Variants in NOTCH1 observed in about 807,000 individuals in gnomAD.
The protein encoded by NOTCH1 is neurogenic locus notch homolog protein 1.
Under a neutral mutation model 254.8 loss-of-function variants are expected in NOTCH1, and 37 were observed. The observed-to-expected ratio is 0.15, with a 90% CI of 0.11 to 0.19. The LOEUF (loss-of-function observed/expected upper bound fraction) is 0.19. Among genes scored for constraint, NOTCH1 ranks in the 10% least tolerant of loss-of-function variants. The probability of loss-of-function intolerance (pLI) is 1.00; values close to 1 mark genes in which losing one functional copy is unlikely to be tolerated. For missense variants in NOTCH1, 2,972 were observed against 3,708.6 expected, an observed-to-expected ratio of 0.80 and a Z score of 5.16; for synonymous variants, 1,731 against 1,618.1, an observed-to-expected ratio of 1.07 and a Z score of -1.68.
chr9:136,515,915 G>A, intron 10 of NOTCH1, 66 bp downstream of exon 10: 8 of 1,373,066 alleles, frequency 5.8e-6, no homozygotes, highest in Non-Finnish European at 8.1e-6. Context: ...GACCTTGTCA[G>A]TTTCACTGCC....
rs376799353 is a variant in NOTCH1, at chr9:136,505,484, G to T, written c.4412C>A (p.Ala1471Glu). Residue 1471 changes from alanine (A) to glutamate (E), a missense_variant, in exon 25 of 34, where the codon GCG becomes GAG. By Grantham distance (107) the Ala-to-Glu change is moderately radical. Around this residue, in one of 8 missense-constraint regions of NOTCH1, gnomAD observed 1,343 missense variants for 1,557.0 expected, o/e 0.86. Coordinates refer to ENST00000651671, the MANE Select transcript of NOTCH1 (RefSeq NM_017617.5). The part of the protein sequence containing the change: ...KVCSLQCNNH[A>E]CGWDGGDCSL... ...GCAGTCACCGCCGTCCCAGCCGCAC[G>T]CGTGGTTGTTGCACTGCAGGCTGCA... 8 of 1,612,728 alleles carry T rather than the reference G, an allele frequency of 5.0e-6. No homozygotes were observed. The highest frequency in any genetic ancestry group is 6.8e-6 in the Non-Finnish European group (8 of 1,180,014).
chr9:136,534,128 C>T (rs1427568849), intron 2 of NOTCH1, among the ~76,000 whole-genome samples: 1 of 152,166 alleles, frequency 6.6e-6, no homozygotes, highest in South Asian at 2.1e-4. Context: ...CGGGGGAGTC[C>T]ACTTCTCAAA....
chr9:136,511,638 C>T (rs988255448), intron 15 of NOTCH1, among the ~76,000 whole-genome samples: 1 of 152,236 alleles, frequency 6.6e-6, no homozygotes. Flanking sequence ...GGGACCTGGG[C>T]CCACCCCGGA....
At chr9:136,501,112 A>G (rs542621557) in intron 30 of NOTCH1, among the ~76,000 whole-genome samples, 11 of 152,318 alleles carry the variant, frequency 7.2e-5, no homozygotes, top group African/African-American at 2.4e-4. Context: ...ACCCAGGAAA[A>G]AGAGGACCCC....
At chr9:136,542,158 C>A (rs576242711) in intron 2 of NOTCH1, among the ~76,000 whole-genome samples, 17 of 152,292 alleles carry the variant, frequency 1.1e-4, no homozygotes, top group Admixed American at 3.9e-4. Context: ...AGCGCTCTGG[C>A]CCAGGGAGAC....
chr9:136,528,550 TTGGTGGGAC>T (rs1180951388), intron 2 of NOTCH1, among the ~76,000 whole-genome samples: 182 of 111,622 alleles, frequency 1.6e-3, no homozygotes, highest in African/African-American at 5.8e-3. Context: ...GCAGGGACAG[TTGGTGGGAC>T]GGGCAGGGAC....
At chr9:136,527,500 C>T (rs1843482618) in intron 2 of NOTCH1, among the ~76,000 whole-genome samples, 1 of 152,222 alleles carries the variant, frequency 6.6e-6, no homozygotes, top group Non-Finnish European at 1.5e-5. Flanking sequence ...GTGACCCGCA[C>T]CCCACCTTCC....
chr9:136,506,071 G>A lies in NOTCH1; in HGVS notation c.4015-190C>T, dbSNP rs563898360. On this transcript the variant is annotated intron_variant, in intron 24 of 33. Coordinates refer to ENST00000651671, the MANE Select transcript of NOTCH1 (RefSeq NM_017617.5). This position sits in a 1 kb window ranked among gnomAD's most constrained non-coding sequence, Gnocchi z 4.5. ...CAGAGAAAGATCGGGGGTGCCAGGG[G>A]GTCGGGAGATGGAGGAAGGGGTAAA... is the stretch of plus-strand genomic sequence containing the variant. 2.6e-5 allele frequency among the ~76,000 whole-genome samples: 4 copies of A among 152,308 alleles called. No homozygotes were observed. Among genetic ancestry groups the A allele is most frequent in the Admixed American group, 2.6e-4 (4 of 15,300 alleles).
In NOTCH1 at chr9:136,516,111, G is replaced by A; in HGVS notation, c.1556-17C>T. On this transcript the variant is annotated splice_polypyrimidine_tract_variant and intron_variant, in intron 9 of 33. Coordinates refer to ENST00000651671, the MANE Select transcript of NOTCH1 (RefSeq NM_017617.5). The stretch of plus-strand genomic sequence containing the variant: ...CAGTGAAGCCTGGGGCCGGGGAGGG[G>A]AGGGGAGGGAGTCATGTGCAACAGC... The A allele has an allele frequency of 6.4e-7, 1 of 1,569,256 alleles. No individual in the cohort carries two copies. The highest frequency in any genetic ancestry group is 8.7e-7 in the Non-Finnish European group (1 of 1,145,352).
rs377541723 is a variant in NOTCH1 at position 136,508,861 on chromosome 9, C to T, written c.3171+9G>A. 6.3e-5 allele frequency: 97 copies of T among 1,540,172 alleles called. No homozygotes were observed. The Middle Eastern group carries it at 6.9e-4, about 11-fold the overall frequency. On this transcript the variant is annotated intron_variant, in intron 19 of 33. Transcript: ENST00000651671. ...CTCCTTCGGGCACCTCTGTGGCCGG[C>T]GCACTCACCTGGCAGTTGGGGCCAG...
chr9:136,512,145 G>A (rs889741375), intron 15 of NOTCH1, among the ~76,000 whole-genome samples: 2 of 152,356 alleles, frequency 1.3e-5, no homozygotes, highest in African/African-American at 2.4e-5. Context: ...TCCTCCTGCC[G>A]GCCCGATCGA....
chr9:136,532,418 A>G (rs1298879816), intron 2 of NOTCH1, among the ~76,000 whole-genome samples: 3 of 152,100 alleles, frequency 2.0e-5, no homozygotes, highest in Non-Finnish European at 4.4e-5. Flanking sequence ...GACCTCGATC[A>G]AATAGCACAC....
intron 12 of NOTCH1, among the ~76,000 whole-genome samples, chr9:136,514,919 G>A (rs1843238814): frequency 1.3e-5 from 2 of 152,212 alleles, no homozygotes; most frequent in South Asian, 4.1e-4. Context: ...AGGGGCAGGG[G>A]CTACTGCAGC....
intron 6 of NOTCH1, 34 bp downstream of exon 6, chr9:136,518,557 C>G (rs1379376244): frequency 6.3e-7 from 1 of 1,575,806 alleles, no homozygotes; most frequent in Non-Finnish European, 8.7e-7. Context: ...CCCATGTGAG[C>G]CCCCTGCGCC....
chr9:136,511,045 C>T, intron 16 of NOTCH1, 107 bp downstream of exon 16: 1 of 1,547,770 alleles, frequency 6.5e-7, no homozygotes, highest in Non-Finnish European at 8.8e-7. Flanking sequence ...CCTCAGCACC[C>T]ACCAGCTCCT....
rs1323351201 is a variant in NOTCH1 at position 136,494,538 on chromosome 9, C to G, written c.*1533G>C. ...TCCTCATGTAGATCACTTTTAAAGT[C>G]TTTTTCTGTAAACTACACTCTATTT... On this transcript the variant is annotated 3_prime_UTR_variant, in exon 34 of 34. Coordinates refer to ENST00000651671, the MANE Select transcript of NOTCH1 (RefSeq NM_017617.5). 5.0e-6 allele frequency: 2 copies of G among 398,888 alleles called. No homozygotes were observed. Among genetic ancestry groups the G allele is most frequent in the Non-Finnish European group, 8.8e-6 (2 of 226,080 alleles). 24.7% of individuals were successfully genotyped at this position (398,888 alleles called of 1,614,324 possible). A position where few individuals can be genotyped will look rare whatever the true frequency, so the allele number is the denominator to read the frequency against.
Position 136,495,132 on chromosome 9 carries a change from G to A in NOTCH1, c.*939C>T, listed in dbSNP as rs114534583. ...GGGACACTGTGCAGGCTGAGGTGCT[G>A]GGGCCGCCACCGGGGTCAGCCCAGG... is the stretch of plus-strand genomic sequence containing the variant. On this transcript the variant is annotated 3_prime_UTR_variant, in exon 34 of 34. Coordinates refer to ENST00000651671, the MANE Select transcript of NOTCH1 (RefSeq NM_017617.5). The A allele has an allele frequency of 5.3e-3, 2,121 of 399,086 alleles. 30 individuals carry two copies. The highest frequency in any genetic ancestry group is 0.036 in the African/African-American group (1,776 of 48,756). 24.7% of individuals were successfully genotyped at this position (399,086 alleles called of 1,614,324 possible).
chr9:136,496,722 G>A lies in NOTCH1; in HGVS notation c.7017C>T (p.Ala2339=), dbSNP rs1342843228. ...CTACCATGCCATGCTGCAGGGAGGG[G>A]GCCTGTGTGCTCAGGGGGCCTGGTG... ...SVAPGPLSTQ[A]PSLQHGMVGP... The change falls in exon 34 of 34, where the codon GCC becomes GCT. Residue 2339 remains alanine, a synonymous_variant. Coordinates refer to ENST00000651671, the MANE Select transcript of NOTCH1 (RefSeq NM_017617.5). The A allele has an allele frequency of 2.2e-5, 35 of 1,612,732 alleles. No individual in the cohort carries two copies. The highest frequency in any genetic ancestry group is 2.8e-5 in the Non-Finnish European group (33 of 1,180,008).
chr9:136,520,578 A>C (rs1343827664), intron 4 of NOTCH1, among the ~76,000 whole-genome samples: 1 of 152,158 alleles, frequency 6.6e-6, no homozygotes, highest in Non-Finnish European at 1.5e-5. Context: ...TACAAAAAAA[A>C]ATACAAGAAG....
Sources: allele counts gnomAD v4.1 joint callset (sites outside exome capture counted in the v4.1 genomes callset), GRCh38; gene constraint gnomAD v4.1.1; regional missense constraint gnomAD v4.1.1; non-coding constraint Gnocchi (gnomAD v3.1); transcripts MANE v1.5; gene names NCBI Gene and HGNC (gene_info 2026-07-23, HGNC 2026-07-21).